B3GALT1: variants seen among roughly 807,000 people sequenced by gnomAD.
B3GALT1 encodes UDP-Gal:betaGlcNAc beta 1,3-galactosyltransferase, polypeptide 1.
In B3GALT1, 10 loss-of-function variants were observed where a neutral mutation model predicts 23.2. That is an observed-to-expected ratio of 0.43 (90% confidence interval 0.27 to 0.73). The LOEUF (loss-of-function observed/expected upper bound fraction) is 0.73. Among genes scored for constraint, B3GALT1 ranks in the 30% least tolerant of loss-of-function variants. B3GALT1 has a pLI of 0.21. For missense variants in B3GALT1, 299 were observed against 405.4 expected (o/e 0.74, Z 2.25); for synonymous variants, 156 against 141.5 (o/e 1.10, Z -0.73).
chr2:167,571,748 G>A (rs1409062245), intron 2 of B3GALT1, among the ~76,000 whole-genome samples: 1 of 151,878 alleles, frequency 6.6e-6, no homozygotes, highest in Non-Finnish European at 1.5e-5. Flanking sequence ...TAGCACTTCC[G>A]AAGTTAAGCA....
intron 1 of B3GALT1, among the ~76,000 whole-genome samples, chr2:167,361,915 C>A (rs2617396): frequency 0.85 from 128,479 of 151,908 alleles, 55,040 homozygotes; most frequent in East Asian, 0.95. Context: ...CTCTCCTAAA[C>A]ATACAAAAAT....
At position 167,610,932 on chromosome 2, in the gene B3GALT1, G is replaced by A. The variant is rs1423783051; in HGVS notation, c.-409-35977G>A. Among the ~76,000 whole-genome samples, 111 of 127,056 alleles carry A rather than the reference G, an allele frequency of 8.7e-4. 1 individual carries two copies. Among genetic ancestry groups the A allele is most frequent in the Admixed American group, 1.3e-3 (17 of 13,114 alleles). The allele number at this position is 127,056 out of a possible 152,430, so 83.4% of individuals were successfully genotyped here. A position where few individuals can be genotyped will look rare whatever the true frequency, so the allele number is the denominator to read the frequency against. ...GTACAAAAAAAAAAAAAAAAAGAGA[G>A]AGAGAGAGAAAAGCCAAACAACAAG... On this transcript the variant is annotated intron_variant, in intron 2 of 4. Transcript: ENST00000392690.
chr2:167,709,332 G>T (rs1687016184), intron 3 of B3GALT1, among the ~76,000 whole-genome samples: 1 of 152,198 alleles, frequency 6.6e-6, no homozygotes, highest in Non-Finnish European at 1.5e-5. Flanking sequence ...TACCTTCTGA[G>T]CACTGTGCCC....
chr2:167,364,589 T>G (rs1697557710), intron 1 of B3GALT1, among the ~76,000 whole-genome samples: 1 of 152,138 alleles, frequency 6.6e-6, no homozygotes, highest in African/African-American at 2.4e-5. Flanking sequence ...ACATGCGGTG[T>G]TTGGTTTTCT....
At chr2:167,650,575 G>C (rs541582815) in intron 3 of B3GALT1, among the ~76,000 whole-genome samples, 2 of 151,916 alleles carry the variant, frequency 1.3e-5, no homozygotes, top group South Asian at 4.1e-4. Flanking sequence ...TCATTTTTTG[G>C]AAAAGTTTGA....
intron 1 of B3GALT1, among the ~76,000 whole-genome samples, chr2:167,396,908 C>A (rs1698108256): frequency 6.6e-6 from 1 of 152,034 alleles, no homozygotes; most frequent in Admixed American, 6.6e-5. Flanking sequence ...TGCTCTAATG[C>A]AATGAACAAA....
intron 2 of B3GALT1, among the ~76,000 whole-genome samples, chr2:167,551,373 AG>A (rs1683742566): frequency 6.6e-6 from 1 of 152,160 alleles, no homozygotes; most frequent in Non-Finnish European, 1.5e-5. Flanking sequence ...CCTTTGGATA[AG>A]GGGGTAGAAA....
At chr2:167,294,652 T>C (rs1696320537) in intron 1 of B3GALT1, among the ~76,000 whole-genome samples, 1 of 152,212 alleles carries the variant, frequency 6.6e-6, no homozygotes, top group Non-Finnish European at 1.5e-5. Context: ...CTCCCCACTG[T>C]CTCAGATGGG....
intron 2 of B3GALT1, among the ~76,000 whole-genome samples, chr2:167,499,357 A>T (rs1350091970): frequency 1.3e-5 from 2 of 152,168 alleles, no homozygotes; most frequent in Non-Finnish European, 2.9e-5. Context: ...TGATTTTTTT[A>T]AAAGATAGCA....
At chr2:167,554,666 C>A (rs1683812878) in intron 2 of B3GALT1, among the ~76,000 whole-genome samples, 1 of 152,120 alleles carries the variant, frequency 6.6e-6, no homozygotes, top group African/African-American at 2.4e-5. Flanking sequence ...ATTTTCATTG[C>A]TATTCCATAA....
intron 2 of B3GALT1, among the ~76,000 whole-genome samples, chr2:167,641,191 A>C (rs1010263161): frequency 6.6e-6 from 1 of 152,124 alleles, no homozygotes; most frequent in Admixed American, 6.6e-5. Context: ...AATTATCAGC[A>C]CTATTTTAAT....
chr2:167,667,861 G>C (rs367764916), intron 3 of B3GALT1, among the ~76,000 whole-genome samples: 8 of 152,048 alleles, frequency 5.3e-5, no homozygotes, highest in Non-Finnish European at 8.8e-5. Context: ...AAATTTTTTT[G>C]AAAGTTTTCA....
At chr2:167,475,676 A>G (rs1199838947) in intron 1 of B3GALT1, among the ~76,000 whole-genome samples, 1 of 152,132 alleles carries the variant, frequency 6.6e-6, no homozygotes, top group Non-Finnish European at 1.5e-5. Context: ...TCTGATTAAG[A>G]TCTACTGGGG....
chr2:167,571,676 T>C (rs1424890136), intron 2 of B3GALT1, among the ~76,000 whole-genome samples: 2 of 151,848 alleles, frequency 1.3e-5, no homozygotes, highest in Admixed American at 6.6e-5. Flanking sequence ...ACCTGGACTT[T>C]CCAAAGGTCA....
chr2:167,566,306 A>T (rs1023647203), intron 2 of B3GALT1, among the ~76,000 whole-genome samples: 9 of 151,574 alleles, frequency 5.9e-5, no homozygotes, highest in Non-Finnish European at 1.0e-4. Flanking sequence ...AACAATGAGA[A>T]CACATGGACA....
At chr2:167,675,270 G>C (rs1253923602) in intron 3 of B3GALT1, among the ~76,000 whole-genome samples, 1 of 152,144 alleles carries the variant, frequency 6.6e-6, no homozygotes, top group African/African-American at 2.4e-5. Context: ...TCTGAAAACA[G>C]TTTTATGTTA....
intron 3 of B3GALT1, among the ~76,000 whole-genome samples, chr2:167,724,124 G>A (rs972330266): frequency 6.6e-6 from 1 of 152,188 alleles, no homozygotes; most frequent in African/African-American, 2.4e-5. Context: ...TTTGTCTTCA[G>A]TCAATTCAAC....
At chr2:167,370,662 G>T (rs1434322543) in intron 1 of B3GALT1, among the ~76,000 whole-genome samples, 1 of 152,110 alleles carries the variant, frequency 6.6e-6, no homozygotes, top group Non-Finnish European at 1.5e-5. Context: ...ATTTGGTTGG[G>T]CTCTGTCTCC....
At chr2:167,444,467 G>A (rs940039257) in intron 1 of B3GALT1, among the ~76,000 whole-genome samples, 4 of 152,148 alleles carry the variant, frequency 2.6e-5, no homozygotes, top group African/African-American at 7.2e-5. Context: ...TGTACCTCTG[G>A]TAGAATTTGG....
Sources: gnomAD v4.1 joint callset for allele counts (sites outside exome capture counted in the v4.1 genomes callset) on GRCh38, gnomAD v4.1.1 for gene constraint, MANE v1.5 for transcripts, NCBI Gene and HGNC (gene_info 2026-07-23, HGNC 2026-07-21) for gene names.